ITPK1: variants seen among roughly 807,000 people sequenced by gnomAD.
ITPK1 encodes the protein inositol 1,3,4-trisphosphate 5/6-kinase.
In ITPK1, 21 loss-of-function variants were observed where a neutral mutation model predicts 45.3. That is an observed-to-expected ratio of 0.46 (90% CI 0.33 to 0.67). ITPK1 has a LOEUF of 0.67. Among genes scored for constraint, ITPK1 ranks in the 30% least tolerant of loss-of-function variants. The probability of loss-of-function intolerance (pLI) is 0.02; values close to 1 mark genes in which losing one functional copy is unlikely to be tolerated. For synonymous variants in ITPK1, 258 were observed against 253.6 expected, an observed-to-expected ratio of 1.02 and a Z score of -0.16; for missense variants, 474 against 573.5, an observed-to-expected ratio of 0.83 and a Z score of 1.77.
At chr14:93,093,846 C>T (rs1056242941) in intron 2 of ITPK1, among the ~76,000 whole-genome samples, 7 of 152,270 alleles carry the variant, frequency 4.6e-5, no homozygotes, top group African/African-American at 1.4e-4. Context: ...CCCTGGCTTC[C>T]ACCCAGCAGC....
chr14:93,112,173 G>A (rs762389161), intron 2 of ITPK1, among the ~76,000 whole-genome samples: 21 of 152,116 alleles, frequency 1.4e-4, no homozygotes, highest in East Asian at 7.7e-4. Context: ...CCTTATTGTC[G>A]GAGATGCCCA....
chr14:93,076,486 A>T lies in ITPK1; in HGVS notation c.120+109T>A. 1 of 1,269,712 alleles carries T rather than the reference A, an allele frequency of 7.9e-7. No homozygotes were observed. Among genetic ancestry groups the T allele is most frequent in the East Asian group, 2.3e-5 (1 of 42,772 alleles). The allele number at this position is 1,269,712 out of a possible 1,614,324, so 78.7% of individuals were successfully genotyped here. A position where few individuals can be genotyped will look rare whatever the true frequency, so the allele number is the denominator to read the frequency against. ...GGGAGCTAAAAACAAGCTGCACGTG[A>T]AGAAGAGAGAAAGCCGTGCCCAATG... On this transcript the variant is annotated intron_variant, in intron 3 of 10. Transcript: ENST00000267615. This position sits in a 1 kb window ranked among gnomAD's most constrained non-coding sequence, Gnocchi z 4.3.
At position 93,090,105 on chromosome 14, in the gene ITPK1, C is replaced by T. The variant is rs565315247; in HGVS notation, c.96-13486G>A. Reference sequence around the variant, plus strand: ...TGGCTCATCACCCCCCAGCCCCTGCCCAGACTCACCCCCTGGGCTTCCCTC... The same window carrying T: ...TGGCTCATCACCCCCCAGCCCCTGCTCAGACTCACCCCCTGGGCTTCCCTC... On this transcript the variant is annotated intron_variant, in intron 2 of 10. Transcript: ENST00000267615. 3.3e-5 allele frequency among the ~76,000 whole-genome samples: 5 copies of T among 152,080 alleles called. No homozygotes were observed. In the South Asian group the frequency reaches 1.0e-3, roughly 32 times the overall value.
intron 2 of ITPK1, among the ~76,000 whole-genome samples, chr14:93,109,294 A>G (rs1042352411): frequency 6.6e-6 from 1 of 152,216 alleles, no homozygotes; most frequent in Non-Finnish European, 1.5e-5. Context: ...CAAGAGCACA[A>G]CAGTAATACA....
In ITPK1 at chr14:92,959,763, A is replaced by C. The variant is rs1425846759; in HGVS notation, c.505-1397T>G. 2.0e-5 allele frequency among the ~76,000 whole-genome samples: 3 copies of C among 152,170 alleles called. No individual in the cohort carries two copies. In the East Asian group the frequency reaches 5.8e-4, roughly 29 times the overall value. The stretch of plus-strand genomic sequence containing the variant: ...CAAATGAGTACCCTCACACTGGCTC[A>C]AAAACAAAACAAAAACCCAAATAAA... On this transcript the variant is annotated intron_variant, in intron 7 of 10. Coordinates refer to ENST00000267615, the MANE Select transcript of ITPK1 (RefSeq NM_014216.6).
chr14:93,014,511 T>A lies in ITPK1; in HGVS notation c.246+2165A>T, dbSNP rs1179637618. 6.6e-6 allele frequency among the ~76,000 whole-genome samples: 1 copy of A among 152,122 alleles called. No individual in the cohort carries two copies. The highest frequency in any genetic ancestry group is 1.5e-5 in the Non-Finnish European group (1 of 68,008). On this transcript the variant is annotated intron_variant, in intron 4 of 10. Coordinates refer to ENST00000267615, the MANE Select transcript of ITPK1 (RefSeq NM_014216.6). This position sits in a 1 kb window ranked among gnomAD's most constrained non-coding sequence, Gnocchi z 4.4. ...TGGCACTCAGCTACAATGGGCACTT[T>A]ACACCCACAGGCATTTACTCCTCCC...
chr14:93,056,804 T>C (rs980423004), intron 3 of ITPK1, among the ~76,000 whole-genome samples: 2 of 152,240 alleles, frequency 1.3e-5, no homozygotes, highest in Admixed American at 6.5e-5. Context: ...AGATGTACTA[T>C]AGCAATTTGT....
At chr14:93,031,649 C>T (rs1889068354) in intron 3 of ITPK1, among the ~76,000 whole-genome samples, 1 of 152,150 alleles carries the variant, frequency 6.6e-6, no homozygotes, top group Non-Finnish European at 1.5e-5. Flanking sequence ...CCCCTAAGGC[C>T]TCCTGGTCTG....
At chr14:93,067,945 G>C (rs934494052) in intron 3 of ITPK1, 5 of 151,440 alleles carry the variant, frequency 3.3e-5, no homozygotes, top group African/African-American at 1.2e-4. Flanking sequence ...TTTTAAAAAA[G>C]GAAGGAGTAA....
At chr14:92,956,544 T>C (rs1421049201) in intron 8 of ITPK1, among the ~76,000 whole-genome samples, 5 of 150,598 alleles carry the variant, frequency 3.3e-5, no homozygotes, top group Non-Finnish European at 7.4e-5. Flanking sequence ...CACTCTGCTG[T>C]TAATGGTTCC....
chr14:93,055,404 T>C (rs1438180363), intron 3 of ITPK1, among the ~76,000 whole-genome samples: 4 of 152,070 alleles, frequency 2.6e-5, no homozygotes, highest in African/African-American at 9.7e-5. Context: ...ACACCAGCCC[T>C]CAGCCCCTTA....
chr14:93,114,848 C>T (rs1892874440), intron 2 of ITPK1, among the ~76,000 whole-genome samples: 1 of 152,170 alleles, frequency 6.6e-6, no homozygotes, highest in Admixed American at 6.5e-5. Flanking sequence ...CTGAACGCCC[C>T]GGTCCGTGCC....
At chr14:93,069,789 C>A (rs1328308708) in intron 3 of ITPK1, 4 of 152,262 alleles carry the variant, frequency 2.6e-5, no homozygotes, top group African/African-American at 9.7e-5. Flanking sequence ...GATGGTCACC[C>A]ACCCAACCTC....
At chr14:93,021,592 CA>C (rs553457298) in intron 3 of ITPK1, among the ~76,000 whole-genome samples, 26 of 140,104 alleles carry the variant, frequency 1.9e-4, no homozygotes, top group Admixed American at 3.6e-4. Flanking sequence ...GACCCTGTCT[CA>C]AAAAAAAAAA....
chr14:93,083,318 G>A (rs1211576501), intron 2 of ITPK1, among the ~76,000 whole-genome samples: 2 of 152,188 alleles, frequency 1.3e-5, no homozygotes, highest in African/African-American at 4.8e-5. Flanking sequence ...GGCATGGGAT[G>A]TGCTGCTGAG....
At chr14:93,039,474 G>A (rs1349094783) in intron 3 of ITPK1, among the ~76,000 whole-genome samples, 1 of 152,046 alleles carries the variant, frequency 6.6e-6, no homozygotes, top group African/African-American at 2.4e-5. Flanking sequence ...AAGACCCCTT[G>A]TCTACAAAAA....
chr14:93,108,014 G>A (rs1214570758), intron 2 of ITPK1, among the ~76,000 whole-genome samples: 1 of 152,238 alleles, frequency 6.6e-6, no homozygotes, highest in Admixed American at 6.5e-5. Flanking sequence ...TGAGTGGGGA[G>A]CACTCGGCTT....
chr14:93,095,910 C>T (rs990662862), intron 2 of ITPK1, among the ~76,000 whole-genome samples: 1 of 152,194 alleles, frequency 6.6e-6, no homozygotes, highest in Non-Finnish European at 1.5e-5. Context: ...ATCCATGTTG[C>T]TGCAAAGGAT....
At chr14:92,971,981 G>A (rs994371484) in intron 5 of ITPK1, among the ~76,000 whole-genome samples, 28 of 152,136 alleles carry the variant, frequency 1.8e-4, no homozygotes, top group African/African-American at 6.8e-4. Flanking sequence ...GCCCAGCACC[G>A]CGACCTCTTC....
Sources: allele counts gnomAD v4.1 joint callset (sites outside exome capture counted in the v4.1 genomes callset), GRCh38; gene constraint gnomAD v4.1.1; non-coding constraint Gnocchi (gnomAD v3.1); transcripts MANE v1.5; gene names NCBI Gene and HGNC (gene_info 2026-07-23, HGNC 2026-07-21).